SEPTIN9: variants seen among roughly 807,000 people sequenced by gnomAD.
SEPTIN9 encodes the protein septin-9.
In SEPTIN9, 13 loss-of-function variants were observed where a neutral mutation model predicts 56.6. The ratio of observed to expected loss-of-function variants is 0.23; its 90% CI spans 0.15 to 0.37. SEPTIN9 has a LOEUF of 0.37. Ranked by LOEUF, SEPTIN9 falls within the 10% of genes least tolerant of loss-of-function variation. The pLI is 1.00. For missense variants in SEPTIN9, 650 were observed against 823.1 expected (o/e 0.79, Z 2.57); for synonymous variants, 332 against 334.1 (o/e 0.99, Z 0.07).
Position 77,330,756 on chromosome 17 carries a change from G to A in SEPTIN9, c.76+23559G>A, listed in dbSNP as rs1447757524. 6.6e-6 allele frequency among the ~76,000 whole-genome samples: 1 copy of A among 152,242 alleles called. No individual in the cohort carries two copies. The highest frequency in any genetic ancestry group is 2.4e-5 in the African/African-American group (1 of 41,460). ...GAGGCACAGGCATGCCTGTCCGGCA[G>A]CAGAAGGGAACCCCGGGCCTGGGCC... On this transcript the variant is annotated intron_variant, in intron 2 of 11. Coordinates refer to ENST00000427177, the MANE Select transcript of SEPTIN9 (RefSeq NM_001113491.2). The surrounding 1 kb of genome is among the most constrained non-coding windows in gnomAD (Gnocchi z 4.4).
chr17:77,363,852 C>T (rs985157068), intron 2 of SEPTIN9, among the ~76,000 whole-genome samples: 3 of 150,174 alleles, frequency 2.0e-5, no homozygotes, highest in African/African-American at 2.4e-5. Context: ...CCAGGGGGTC[C>T]GTGTGGCCCT....
intron 4 of SEPTIN9, chr17:77,482,923 C>T (rs959612347): frequency 1.3e-5 from 3 of 234,522 alleles, no homozygotes; most frequent in African/African-American, 6.7e-5. Flanking sequence ...CCCCAGGTCC[C>T]ATTCAAACCT....
intron 2 of SEPTIN9, among the ~76,000 whole-genome samples, chr17:77,395,668 TA>T (rs1432076439): frequency 6.6e-6 from 1 of 152,214 alleles, no homozygotes; most frequent in Non-Finnish European, 1.5e-5. Context: ...CAGAGATCGT[TA>T]TTTTCTGCCC....
chr17:77,464,952 A>C (rs562829889), intron 3 of SEPTIN9, among the ~76,000 whole-genome samples: 5 of 152,174 alleles, frequency 3.3e-5, no homozygotes, highest in Non-Finnish European at 5.9e-5. Context: ...AGCACATTTC[A>C]TCATCCCCAA....
chr17:77,446,188 C>G (rs2037732883), intron 3 of SEPTIN9: 1 of 167,106 alleles, frequency 6.0e-6, no homozygotes, highest in East Asian at 1.9e-4. Context: ...GGGTCAGAAG[C>G]CGATCAGTCT....
Position 77,318,631 on chromosome 17 carries a change from G to A in SEPTIN9, c.76+11434G>A, listed in dbSNP as rs926471655. Among the ~76,000 whole-genome samples the A allele has an allele frequency of 2.0e-5, 3 of 152,096 alleles. No homozygotes were observed. The highest frequency in any genetic ancestry group is 7.2e-5 in the African/African-American group (3 of 41,406). On this transcript the variant is annotated intron_variant, in intron 2 of 11. Transcript: ENST00000427177. This position sits in a 1 kb window ranked among gnomAD's most constrained non-coding sequence, Gnocchi z 4.9. Reference sequence around the variant, plus strand: ...GGGCTGTCCTCCAGGCTCTTTGGGAGGAGGTGGTTGCTTGATGTCTCCCAG... The same window carrying A: ...GGGCTGTCCTCCAGGCTCTTTGGGAAGAGGTGGTTGCTTGATGTCTCCCAG...
At chr17:77,284,695 T>A (rs1355570784) in intron 1 of SEPTIN9, among the ~76,000 whole-genome samples, 1 of 152,226 alleles carries the variant, frequency 6.6e-6, no homozygotes, top group African/African-American at 2.4e-5. Context: ...AATGGCATGA[T>A]CTCAGCTTAC....
chr17:77,454,429 G>A, intron 3 of SEPTIN9: 1 of 953,430 alleles, frequency 1.0e-6, no homozygotes, highest in African/African-American at 1.8e-5. Flanking sequence ...TCCCGAGGGT[G>A]GCGGCCATGC....
At chr17:77,414,346 A>G (rs370553875) in intron 3 of SEPTIN9, among the ~76,000 whole-genome samples, 10 of 152,214 alleles carry the variant, frequency 6.6e-5, no homozygotes, top group African/African-American at 2.4e-4. Flanking sequence ...AAGTGCTGGG[A>G]TTACAGGCAT....
At chr17:77,407,062 G>T (rs890800011) in intron 3 of SEPTIN9, among the ~76,000 whole-genome samples, 1 of 151,952 alleles carries the variant, frequency 6.6e-6, no homozygotes, top group Non-Finnish European at 1.5e-5. Flanking sequence ...CAGGCAGATT[G>T]CTTGAGCCCA....
intron 2 of SEPTIN9, among the ~76,000 whole-genome samples, chr17:77,378,041 G>C (rs75472307): frequency 1.3e-5 from 2 of 152,144 alleles, no homozygotes; most frequent in Non-Finnish European, 1.5e-5. Context: ...TCATTTAGAG[G>C]GGGGCGGACA....
At position 77,373,250 on chromosome 17, in the gene SEPTIN9, G is replaced by C. The variant is rs948210191; in HGVS notation, c.77-28809G>C. 4 of 1,136,910 alleles carry C rather than the reference G, an allele frequency of 3.5e-6. 1 individual carries two copies. In the African/African-American group the frequency reaches 6.5e-5, roughly 19 times the overall value. 70.4% of individuals were successfully genotyped at this position (1,136,910 alleles called of 1,614,324 possible). On this transcript the variant is annotated intron_variant, in intron 2 of 11. Coordinates refer to ENST00000427177, the MANE Select transcript of SEPTIN9 (RefSeq NM_001113491.2). Reference sequence around the variant, plus strand: ...CAGTGCGAGACAGGGAGGCCGGTGCGGGTGCGGGAACCTGATCCGCCCGGG... The same window carrying C: ...CAGTGCGAGACAGGGAGGCCGGTGCCGGTGCGGGAACCTGATCCGCCCGGG...
chr17:77,483,867 G>A (rs912840891), intron 4 of SEPTIN9: 1 of 152,368 alleles, frequency 6.6e-6, no homozygotes, highest in Non-Finnish European at 1.5e-5. Context: ...GCCGAGTGAG[G>A]AACAAGACGT....
Position 77,371,193 on chromosome 17 carries a change from T to C in SEPTIN9, c.77-30866T>C, listed in dbSNP as rs1380451926. On this transcript the variant is annotated intron_variant, in intron 2 of 11. Transcript: ENST00000427177. The surrounding 1 kb of genome is among the most constrained non-coding windows in gnomAD (Gnocchi z 4.1). ...GGTCATGTGGCTCTGAGTGATTACA[T>C]TGAAGGGGCAGTGGCTGGGGCTGGA... is the stretch of plus-strand genomic sequence containing the variant. Among the ~76,000 whole-genome samples, 5 of 152,150 alleles carry C rather than the reference T, an allele frequency of 3.3e-5. No individual in the cohort carries two copies. The highest frequency in any genetic ancestry group is 1.9e-4 in the East Asian group (1 of 5,184).
chr17:77,480,336 G>T (rs2039404911), intron 3 of SEPTIN9, among the ~76,000 whole-genome samples: 1 of 152,224 alleles, frequency 6.6e-6, no homozygotes, highest in Admixed American at 6.5e-5. Flanking sequence ...GATGCCTCAG[G>T]CCTGGGGAGC....
chr17:77,373,434 C>T (rs1186924777), intron 2 of SEPTIN9: 2 of 1,463,364 alleles, frequency 1.4e-6, no homozygotes, highest in Non-Finnish European at 1.8e-6. Flanking sequence ...GCGCAGGGCC[C>T]GGGCCCCGCC....
chr17:77,399,953 G>C (rs1234277262), intron 2 of SEPTIN9, among the ~76,000 whole-genome samples: 2 of 152,146 alleles, frequency 1.3e-5, no homozygotes, highest in African/African-American at 2.4e-5. Context: ...ATTTGATTTT[G>C]TTTGGCCCTG....
Position 77,445,850 on chromosome 17 carries a change from T to C in SEPTIN9, c.722-36294T>C, listed in dbSNP as rs539817894. On this transcript the variant is annotated intron_variant, in intron 3 of 11. Transcript: ENST00000427177. The surrounding 1 kb of genome is among the most constrained non-coding windows in gnomAD (Gnocchi z 4.7). The stretch of plus-strand genomic sequence containing the variant: ...GGTGTTGCCCACAGACAGGTGGACA[T>C]GTGGCAAGGACACCTTGGGACCTTC... 8 of 182,986 alleles carry C rather than the reference T, an allele frequency of 4.4e-5. No homozygotes were observed. The highest frequency in any genetic ancestry group is 1.9e-4 in the African/African-American group (8 of 42,042). The allele number at this position is 182,986 out of a possible 1,614,324, so 11.3% of individuals were successfully genotyped here.
intron 3 of SEPTIN9, among the ~76,000 whole-genome samples, chr17:77,412,346 G>A (rs1254583512): frequency 6.6e-6 from 1 of 152,184 alleles, no homozygotes; most frequent in South Asian, 2.1e-4. Context: ...TCTCGGTCAA[G>A]CGAGAGGGAT....
Sources: gnomAD v4.1 joint callset for allele counts (sites outside exome capture counted in the v4.1 genomes callset) on GRCh38, gnomAD v4.1.1 for gene constraint, Gnocchi (gnomAD v3.1) non-coding constraint, MANE v1.5 for transcripts, NCBI Gene and HGNC (gene_info 2026-07-23, HGNC 2026-07-21) for gene names.